Variants in VEGFC observed in about 807,000 individuals in gnomAD.
VEGFC encodes vascular endothelial growth factor C, also known as FLT4 ligand DHM.
In VEGFC, 12 loss-of-function variants were observed where a neutral mutation model predicts 46.1. The observed-to-expected ratio is 0.26, with a 90% CI of 0.17 to 0.42. VEGFC has a LOEUF of 0.42. Among genes scored for constraint, VEGFC ranks in the 10% least tolerant of loss-of-function variants. The probability of loss-of-function intolerance (pLI) is 1.00; values close to 1 mark genes in which losing one functional copy is unlikely to be tolerated. For synonymous variants in VEGFC, 232 were observed against 195.5 expected (o/e 1.19, Z -1.56); for missense variants, 488 against 529.4 (o/e 0.92, Z 0.77).
In VEGFC at chr4:176,724,085, A is replaced by C. The variant is rs531652515; in HGVS notation, c.552+3693T>G. 5.3e-5 allele frequency among the ~76,000 whole-genome samples: 8 copies of C among 152,284 alleles called. No individual in the cohort carries two copies. The East Asian group carries it at 1.5e-3, about 29-fold the overall frequency. ...TTTCTGTTCCTCTCCAGAAACAGAT[A>C]TTTTTTAAAAGATCAAGCTAAATTG... On this transcript the variant is annotated intron_variant, in intron 3 of 6. Transcript: ENST00000618562.
chr4:176,701,646 C>T (rs1489393203), intron 4 of VEGFC, among the ~76,000 whole-genome samples: 6 of 152,300 alleles, frequency 3.9e-5, no homozygotes, highest in East Asian at 1.9e-4. Context: ...AATCCATTCA[C>T]ATCAACAGGT....
At chr4:176,753,198 G>C (rs1735368916) in intron 1 of VEGFC, among the ~76,000 whole-genome samples, 1 of 152,048 alleles carries the variant, frequency 6.6e-6, no homozygotes, top group South Asian at 2.1e-4. Context: ...TTATTGTTTT[G>C]CTTTGGGTCT....
chr4:176,717,416 AC>A (rs1364605919), intron 3 of VEGFC, among the ~76,000 whole-genome samples: 3 of 152,122 alleles, frequency 2.0e-5, no homozygotes, highest in Admixed American at 2.0e-4. Context: ...GTCAATTCTC[AC>A]CAACAAGAAT....
intron 3 of VEGFC, among the ~76,000 whole-genome samples, chr4:176,727,519 ATTG>A (rs1251064970): frequency 1.3e-5 from 2 of 152,104 alleles, no homozygotes; most frequent in Admixed American, 1.3e-4. Flanking sequence ...ACGTATATTT[ATTG>A]TTTTCTGCAT....
intron 4 of VEGFC, among the ~76,000 whole-genome samples, chr4:176,693,552 T>G (rs1003336778): frequency 5.6e-5 from 8 of 143,068 alleles, no homozygotes; most frequent in Non-Finnish European, 1.1e-4. Context: ...GAAAACACTC[T>G]GCAGGATATT....
rs1553994977 is a variant in VEGFC, at chr4:176,740,313, C to CTATATTTATAAATAAATATATATAACTA, written c.148-10595_148-10568dup. Among the ~76,000 whole-genome samples the CTATATTTATAAATAAATATATATAACTA allele has an allele frequency of 1.7e-3, 189 of 112,538 alleles. 1 individual carries two copies. Among genetic ancestry groups the CTATATTTATAAATAAATATATATAACTA allele is most frequent in the African/African-American group, 6.6e-3 (183 of 27,528 alleles). The allele number at this position is 112,538 out of a possible 152,430, so 73.8% of individuals were successfully genotyped here. On this transcript the variant is annotated intron_variant, in intron 1 of 6. Transcript: ENST00000618562. The stretch of plus-strand genomic sequence containing the variant: ...ATATATCTATATAGAGTATATATAA[C>CTATATTTATAAATAAATATATATAACTA]TATATTTATAAATAAATATATATAA...
chr4:176,697,273 C>G (rs1450670244), intron 4 of VEGFC, among the ~76,000 whole-genome samples: 1 of 147,454 alleles, frequency 6.8e-6, no homozygotes, highest in Non-Finnish European at 1.5e-5. Flanking sequence ...ACAATGAACT[C>G]AAACAAATTT....
At chr4:176,714,540 G>A (rs1734666686) in intron 3 of VEGFC, among the ~76,000 whole-genome samples, 2 of 152,208 alleles carry the variant, frequency 1.3e-5, no homozygotes, top group Admixed American at 1.3e-4. Flanking sequence ...ATTTGGCATT[G>A]TCTCCAGTGA....
chr4:176,777,034 C>T, intron 1 of VEGFC, among the ~76,000 whole-genome samples: 1 of 152,134 alleles, frequency 6.6e-6, no homozygotes, highest in Non-Finnish European at 1.5e-5. Context: ...AAACTACTGG[C>T]CGGGTGCGGT....
At chr4:176,705,952 A>G (rs920383242) in intron 4 of VEGFC, 1 of 152,306 alleles carries the variant, frequency 6.6e-6, no homozygotes, top group East Asian at 1.9e-4. Context: ...CTCAAACTCA[A>G]AGAGAAATCA....
At chr4:176,707,205 G>A (rs1368187045) in intron 4 of VEGFC, among the ~76,000 whole-genome samples, 2 of 152,202 alleles carry the variant, frequency 1.3e-5, no homozygotes, top group Admixed American at 1.3e-4. Flanking sequence ...AAGTTATTGT[G>A]TGGAAATATG....
At chr4:176,684,871 A>G (rs4334697) in intron 6 of VEGFC, among the ~76,000 whole-genome samples, 107,675 of 152,040 alleles carry the variant, frequency 0.71, 39,419 homozygotes, top group Non-Finnish European at 0.8. Flanking sequence ...GATTACAGGT[A>G]TGTGTGGCCA....
intron 4 of VEGFC, among the ~76,000 whole-genome samples, chr4:176,692,583 T>TA: frequency 7.4e-6 from 1 of 134,950 alleles, no homozygotes; most frequent in South Asian, 2.1e-4. Context: ...CTTGATTAGG[T>TA]AAACAAAGCA....
chr4:176,784,026 A>T (rs1282388789), intron 1 of VEGFC, among the ~76,000 whole-genome samples: 1 of 150,740 alleles, frequency 6.6e-6, no homozygotes, highest in South Asian at 2.1e-4. Context: ...CTATATGCCA[A>T]TCATGGTTCC....
chr4:176,762,286 T>A (rs1027351664), intron 1 of VEGFC, among the ~76,000 whole-genome samples: 1 of 152,212 alleles, frequency 6.6e-6, no homozygotes, highest in Non-Finnish European at 1.5e-5. Context: ...GATTAGGTCA[T>A]GAAGCCTTTG....
intron 4 of VEGFC, among the ~76,000 whole-genome samples, chr4:176,694,995 T>C (rs1467415085): frequency 7.8e-6 from 1 of 127,884 alleles, no homozygotes; most frequent in African/African-American, 3.4e-5. Flanking sequence ...TAGAGGGAAA[T>C]TTATAGCACT....
At chr4:176,686,647 AT>A (rs1236426003) in intron 6 of VEGFC, among the ~76,000 whole-genome samples, 2 of 150,588 alleles carry the variant, frequency 1.3e-5, no homozygotes, top group Middle Eastern at 3.4e-3. Context: ...GAATAACTTC[AT>A]TTTTTTTTTC....
At chr4:176,755,726 T>C (rs780624854) in intron 1 of VEGFC, among the ~76,000 whole-genome samples, 4 of 152,066 alleles carry the variant, frequency 2.6e-5, no homozygotes, top group Non-Finnish European at 5.9e-5. Context: ...CTGATACACA[T>C]ATTTGTATTC....
intron 4 of VEGFC, among the ~76,000 whole-genome samples, chr4:176,704,061 C>T (rs1734480492): frequency 6.6e-6 from 1 of 152,068 alleles, no homozygotes; most frequent in African/African-American, 2.4e-5. Context: ...CCCAGTTATT[C>T]TTGAACCTTT....
Sources: gnomAD v4.1 joint callset for allele counts (sites outside exome capture counted in the v4.1 genomes callset) on GRCh38, gnomAD v4.1.1 for gene constraint, MANE v1.5 for transcripts, NCBI Gene and HGNC (gene_info 2026-07-23, HGNC 2026-07-21) for gene names.